B3GNT2: variants seen among roughly 807,000 people sequenced by gnomAD.
The protein encoded by B3GNT2 is UDP-GlcNAc:betaGal beta-1,3-N-acetylglucosaminyltransferase 2.
In B3GNT2, 12 loss-of-function variants were observed where a neutral mutation model predicts 27.6. That is an observed-to-expected ratio of 0.44 (90% confidence interval 0.28 to 0.71). The LOEUF is 0.71. B3GNT2 is among the 30% of genes least tolerant of loss of function. The pLI is 0.17. For missense variants in B3GNT2, 413 were observed against 488.5 expected, an observed-to-expected ratio of 0.85 and a Z score of 1.46; for synonymous variants, 192 against 189.7, an observed-to-expected ratio of 1.01 and a Z score of -0.10.
intron 1 of B3GNT2, among the ~76,000 whole-genome samples, chr2:62,197,790 G>T (rs1388672059): frequency 6.6e-6 from 1 of 152,258 alleles, no homozygotes; most frequent in Non-Finnish European, 1.5e-5. Flanking sequence ...CCGGCTTATA[G>T]TCGCACCCAT....
At chr2:62,197,004 T>A (rs1294786161) in intron 1 of B3GNT2, among the ~76,000 whole-genome samples, 1 of 151,708 alleles carries the variant, frequency 6.6e-6, no homozygotes, top group Admixed American at 6.6e-5. Context: ...CTGCCAAACT[T>A]AGGGAAAACC....
intron 1 of B3GNT2, among the ~76,000 whole-genome samples, chr2:62,197,008 G>A (rs1023302394): frequency 6.7e-6 from 1 of 150,084 alleles, no homozygotes; most frequent in East Asian, 2.0e-4. Context: ...CAAACTTAGG[G>A]AAAACCTTTC....
chr2:62,223,374 A>G lies in B3GNT2; in HGVS notation c.1154A>G (p.Asp385Gly), dbSNP rs745878447. The change falls in exon 2 of 2, where the codon GAT becomes GGT. Residue 385 changes from aspartate (D) to glycine (G), a missense_variant. Asp to Gly is a moderately conservative substitution (Grantham distance 94). Coordinates refer to ENST00000301998, the MANE Select transcript of B3GNT2 (RefSeq NM_006577.6). ...VHSRKPQEMI[D>G]IWSQLQSAHL... ...AGTAGAAAACCTCAAGAGATGATTG[A>G]TATTTGGTCTCAGTTGCAGAGTGCT... is the stretch of plus-strand genomic sequence containing the variant. The G allele has an allele frequency of 6.2e-7, 1 of 1,613,272 alleles. No homozygotes were observed. The highest frequency in any genetic ancestry group is 8.5e-7 in the Non-Finnish European group (1 of 1,179,596).
intron 1 of B3GNT2, among the ~76,000 whole-genome samples, chr2:62,200,511 TGTG>T (rs1187702574): frequency 2.6e-5 from 4 of 152,212 alleles, no homozygotes; most frequent in Admixed American, 2.6e-4. Flanking sequence ...CCGAGTGCCA[TGTG>T]GTGGTTTAGT....
chr2:62,210,955 AAT>A (rs1674471318), intron 1 of B3GNT2, among the ~76,000 whole-genome samples: 1 of 152,122 alleles, frequency 6.6e-6, no homozygotes, highest in African/African-American at 2.4e-5. Flanking sequence ...TTCCCTTCGT[AAT>A]ATGTTTCCTC....
intron 1 of B3GNT2, among the ~76,000 whole-genome samples, chr2:62,215,217 G>A (rs979860989): frequency 6.6e-6 from 1 of 152,176 alleles, no homozygotes; most frequent in African/African-American, 2.4e-5. Context: ...ATTTGAACAT[G>A]AAGGCTAAAA....
intron 1 of B3GNT2, among the ~76,000 whole-genome samples, chr2:62,220,001 C>T (rs1674656513): frequency 6.6e-6 from 1 of 152,188 alleles, no homozygotes; most frequent in East Asian, 1.9e-4. Context: ...ACTACAGGAG[C>T]ACTTGGGGAA....
intron 1 of B3GNT2, among the ~76,000 whole-genome samples, chr2:62,199,778 C>G (rs576848642): frequency 6.6e-6 from 1 of 152,244 alleles, no homozygotes; most frequent in Non-Finnish European, 1.5e-5. Flanking sequence ...TCTCCACTCT[C>G]TAAGGTGGGA....
chr2:62,200,971 T>C (rs1208258364), intron 1 of B3GNT2, among the ~76,000 whole-genome samples: 3 of 152,240 alleles, frequency 2.0e-5, no homozygotes, highest in Non-Finnish European at 4.4e-5. Context: ...ATAAATTTTC[T>C]CACTTGTAAA....
In B3GNT2 at chr2:62,212,344, T is replaced by C. The variant is rs376317585; in HGVS notation, c.-9-9868T>C. ...CTGGGTGGTCCTTATCCAACCCAGA[T>C]CATTGCTTCCTACAGCCTCTCAGCC... is the stretch of plus-strand genomic sequence containing the variant. On this transcript the variant is annotated intron_variant, in intron 1 of 1. Coordinates refer to ENST00000301998, the MANE Select transcript of B3GNT2 (RefSeq NM_006577.6). Among the ~76,000 whole-genome samples, 17 of 152,254 alleles carry C rather than the reference T, an allele frequency of 1.1e-4. No homozygotes were observed. The East Asian group carries it at 1.9e-3, about 17-fold the overall frequency.
chr2:62,216,184 C>G (rs1010398361), intron 1 of B3GNT2, among the ~76,000 whole-genome samples: 1 of 152,104 alleles, frequency 6.6e-6, no homozygotes, highest in African/African-American at 2.4e-5. Context: ...TGAAGGGAAC[C>G]TTTTTAGGGT....
intron 1 of B3GNT2, among the ~76,000 whole-genome samples, chr2:62,196,671 C>G (rs559986883): frequency 1.1e-3 from 171 of 152,362 alleles, no homozygotes; most frequent in Middle Eastern, 3.4e-3. Flanking sequence ...CCATTCCGTG[C>G]CCACCTCGCC....
rs370583197 is a variant in B3GNT2 at position 62,222,797 on chromosome 2, G to A, written c.577G>A (p.Asp193Asn). 1.5e-5 allele frequency: 25 copies of A among 1,613,996 alleles called. No individual in the cohort carries two copies. The highest frequency in any genetic ancestry group is 6.7e-5 in the East Asian group (3 of 44,892). Reference protein sequence around the residue: ...GQTPPEDNHPDLSDMLKFESE... With the variant: ...GQTPPEDNHPNLSDMLKFESE... ...GACACCCCCAGAGGACAACCACCCC[G>A]ACCTTTCAGATATGCTGAAATTTGA... The change falls in exon 2 of 2, where the codon GAC (aspartate) becomes AAC (asparagine). Residue 193 changes from aspartate to asparagine, a missense_variant. Coordinates refer to ENST00000301998, the MANE Select transcript of B3GNT2 (RefSeq NM_006577.6). The surrounding 1 kb of genome is among the most constrained non-coding windows in gnomAD (Gnocchi z 4.2).
intron 1 of B3GNT2, among the ~76,000 whole-genome samples, chr2:62,210,716 G>C (rs1674466409): frequency 6.6e-6 from 1 of 151,846 alleles, no homozygotes; most frequent in Admixed American, 6.6e-5. Flanking sequence ...GTTGCAGTGA[G>C]CCGAGATCGC....
At chr2:62,221,636 G>C (rs1674694719) in intron 1 of B3GNT2, among the ~76,000 whole-genome samples, 1 of 152,132 alleles carries the variant, frequency 6.6e-6, no homozygotes, top group Non-Finnish European at 1.5e-5. Context: ...ACCAGTCCCT[G>C]TTTCTACATT....
intron 1 of B3GNT2, among the ~76,000 whole-genome samples, chr2:62,203,393 G>T (rs142496528): frequency 6.6e-6 from 1 of 152,102 alleles, no homozygotes; most frequent in Non-Finnish European, 1.5e-5. Context: ...ATGTCTAGGG[G>T]ACAAGAATAG....
chr2:62,210,491 G>A (rs975852387), intron 1 of B3GNT2, among the ~76,000 whole-genome samples: 5 of 151,894 alleles, frequency 3.3e-5, no homozygotes, highest in Admixed American at 2.0e-4. Flanking sequence ...GACAGTGGCC[G>A]GGTGCGGTGG....
chr2:62,222,397 G>C lies in B3GNT2; in HGVS notation c.177G>C (p.Trp59Cys), dbSNP rs1468605150. The C allele has an allele frequency of 6.2e-7, 1 of 1,614,082 alleles. No individual in the cohort carries two copies. Among genetic ancestry groups the C allele is most frequent in the Admixed American group, 1.7e-5 (1 of 60,002 alleles). The change falls in exon 2 of 2, where the codon TGG becomes TGC. Residue 59 changes from tryptophan (W) to cysteine (C), a missense_variant. Physicochemically the swap from Trp to Cys is radical, Grantham distance 215. Coordinates refer to ENST00000301998, the MANE Select transcript of B3GNT2 (RefSeq NM_006577.6). The surrounding 1 kb of genome is among the most constrained non-coding windows in gnomAD (Gnocchi z 4.2). ...WKISTPPEAYWNREQEKLNRQ... is the reference protein window; with the variant it reads ...WKISTPPEAYCNREQEKLNRQ... Reference sequence around the variant, plus strand: ...TATCTACCCCTCCCGAGGCATACTGGAACCGAGAGCAAGAGAAGCTGAACC... The same window carrying C: ...TATCTACCCCTCCCGAGGCATACTGCAACCGAGAGCAAGAGAAGCTGAACC...
chr2:62,215,793 G>A (rs1001680136), intron 1 of B3GNT2, among the ~76,000 whole-genome samples: 3 of 152,186 alleles, frequency 2.0e-5, no homozygotes, highest in African/African-American at 7.2e-5. Flanking sequence ...CTCTAGAGAT[G>A]GAGGCTGCTA....
Sources: gnomAD v4.1 joint callset for allele counts (sites outside exome capture counted in the v4.1 genomes callset) on GRCh38, gnomAD v4.1.1 for gene constraint, Gnocchi (gnomAD v3.1) non-coding constraint, MANE v1.5 for transcripts, NCBI Gene and HGNC (gene_info 2026-07-23, HGNC 2026-07-21) for gene names.